Variants in CERS6 observed in about 807,000 individuals in gnomAD.
The protein encoded by CERS6 is LAG1 homolog, ceramide synthase 6.
In CERS6, 26 loss-of-function variants were observed where a neutral mutation model predicts 56.8. The ratio of observed to expected loss-of-function variants is 0.46; its 90% CI spans 0.34 to 0.63. CERS6 has a LOEUF of 0.63. Ranked by LOEUF, CERS6 falls within the 30% of genes least tolerant of loss-of-function variation. The pLI is 0.01. For missense variants in CERS6, 415 were observed against 467.5 expected (o/e 0.89, Z 1.04); for synonymous variants, 164 against 173.3 (o/e 0.95, Z 0.42).
At chr2:168,641,151 C>A (rs1327087649) in intron 4 of CERS6, among the ~76,000 whole-genome samples, 1 of 152,194 alleles carries the variant, frequency 6.6e-6, no homozygotes, top group East Asian at 1.9e-4. Flanking sequence ...TCACAGACGA[C>A]ATGATTGCTC....
chr2:168,524,306 A>C (rs1695032914), intron 1 of CERS6, among the ~76,000 whole-genome samples: 1 of 152,216 alleles, frequency 6.6e-6, no homozygotes, highest in South Asian at 2.1e-4. Flanking sequence ...AATGATGTTT[A>C]ATAAGCATGC....
intron 1 of CERS6, among the ~76,000 whole-genome samples, chr2:168,483,712 C>T (rs78915996): frequency 0.017 from 2,647 of 152,274 alleles, 72 homozygotes; most frequent in African/African-American, 0.061. Context: ...ATTGAAGTAA[C>T]GCTTCATATT....
intron 4 of CERS6, among the ~76,000 whole-genome samples, chr2:168,668,258 T>C (rs1685816504): frequency 6.6e-6 from 1 of 152,178 alleles, no homozygotes; most frequent in Non-Finnish European, 1.5e-5. Flanking sequence ...CCATTATTCC[T>C]ACTCTGATTT....
chr2:168,760,357 C>G (rs1025543499), intron 8 of CERS6, among the ~76,000 whole-genome samples: 1 of 152,212 alleles, frequency 6.6e-6, no homozygotes, highest in South Asian at 2.1e-4. Context: ...CTAGGCCAGT[C>G]TCGCGTTTCC....
intron 3 of CERS6, among the ~76,000 whole-genome samples, chr2:168,605,671 A>G (rs919246580): frequency 2.6e-5 from 4 of 152,044 alleles, no homozygotes; most frequent in African/African-American, 4.8e-5. Context: ...CTGCCTTGGG[A>G]CACTGCTCCC....
intron 2 of CERS6, among the ~76,000 whole-genome samples, chr2:168,549,135 A>G (rs1359777630): frequency 2.0e-5 from 3 of 152,146 alleles, no homozygotes; most frequent in Non-Finnish European, 4.4e-5. Context: ...CTCTAAGTAC[A>G]TTAAACATAC....
At chr2:168,689,354 T>C (rs1686439736) in intron 4 of CERS6, among the ~76,000 whole-genome samples, 1 of 152,182 alleles carries the variant, frequency 6.6e-6, no homozygotes. Flanking sequence ...AACCTGCATA[T>C]ATATGGGTAT....
chr2:168,565,045 A>G (rs717038), intron 3 of CERS6, among the ~76,000 whole-genome samples: 7,169 of 152,318 alleles, frequency 0.047, 566 homozygotes, highest in African/African-American at 0.16. Flanking sequence ...ATACTGCCTT[A>G]GCATAAAATT....
chr2:168,481,434 A>G (rs1694177135), intron 1 of CERS6, among the ~76,000 whole-genome samples: 1 of 152,164 alleles, frequency 6.6e-6, no homozygotes. Flanking sequence ...GGACAGTTAC[A>G]GGTCATCAGC....
chr2:168,665,884 T>G (rs1474211404), intron 4 of CERS6, among the ~76,000 whole-genome samples: 1 of 152,166 alleles, frequency 6.6e-6, no homozygotes, highest in African/African-American at 2.4e-5. Context: ...TGCTCACATT[T>G]TCTGTTGGCA....
At chr2:168,510,891 A>G (rs1044815316) in intron 1 of CERS6, among the ~76,000 whole-genome samples, 20 of 152,226 alleles carry the variant, frequency 1.3e-4, no homozygotes, top group African/African-American at 4.8e-4. Context: ...AAGCCTTACA[A>G]TAACCTTAGA....
chr2:168,553,520 C>T (rs1179839429), intron 2 of CERS6, among the ~76,000 whole-genome samples: 2 of 152,036 alleles, frequency 1.3e-5, no homozygotes, highest in African/African-American at 2.4e-5. Flanking sequence ...GATTGTAGGC[C>T]TTTCTATAAT....
chr2:168,662,494 T>C (rs569047245), intron 4 of CERS6, among the ~76,000 whole-genome samples: 1 of 152,060 alleles, frequency 6.6e-6, no homozygotes, highest in South Asian at 2.1e-4. Context: ...TTTGGGAGGC[T>C]AAGGTGGGTA....
At chr2:168,719,607 T>G (rs570120539) in intron 8 of CERS6, among the ~76,000 whole-genome samples, 15 of 152,340 alleles carry the variant, frequency 9.8e-5, no homozygotes, top group African/African-American at 3.6e-4. Flanking sequence ...AGGTTCCTCT[T>G]GACTATATTT....
chr2:168,506,007 T>A (rs1159506635), intron 1 of CERS6, among the ~76,000 whole-genome samples: 3 of 152,146 alleles, frequency 2.0e-5, no homozygotes, highest in Non-Finnish European at 4.4e-5. Flanking sequence ...GGCCATGAGT[T>A]TTGCTGTTTC....
intron 1 of CERS6, among the ~76,000 whole-genome samples, chr2:168,460,721 A>T (rs1693763487): frequency 6.6e-6 from 1 of 152,156 alleles, no homozygotes; most frequent in African/African-American, 2.4e-5. Flanking sequence ...ACCTCTTGTG[A>T]TGACTGGGTA....
intron 4 of CERS6, among the ~76,000 whole-genome samples, chr2:168,657,900 G>A (rs1443712706): frequency 6.6e-6 from 1 of 152,248 alleles, no homozygotes; most frequent in Non-Finnish European, 1.5e-5. Context: ...GTGCAGTGGG[G>A]GACTGAAGGG....
At chr2:168,709,980 G>A (rs1009504213) in intron 6 of CERS6, among the ~76,000 whole-genome samples, 1 of 152,118 alleles carries the variant, frequency 6.6e-6, no homozygotes, top group Admixed American at 6.5e-5. Flanking sequence ...AATGTAAAAG[G>A]TGACATCCAT....
chr2:168,487,819 C>G (rs1438123035), intron 1 of CERS6, among the ~76,000 whole-genome samples: 1 of 152,172 alleles, frequency 6.6e-6, no homozygotes, highest in Non-Finnish European at 1.5e-5. Context: ...CTCCTGGGTT[C>G]AACCAGTCCT....
Sources: gnomAD v4.1 joint callset for allele counts (sites outside exome capture counted in the v4.1 genomes callset) on GRCh38, gnomAD v4.1.1 for gene constraint, MANE v1.5 for transcripts, NCBI Gene and HGNC (gene_info 2026-07-23, HGNC 2026-07-21) for gene names.